Variants in ADAMTSL1 observed in about 807,000 individuals in gnomAD.
ADAMTSL1 encodes the protein ADAMTS like 1.
In ADAMTSL1, 126 loss-of-function variants were observed where a neutral mutation model predicts 201.8. That is an observed-to-expected ratio of 0.62 (90% CI 0.54 to 0.72). ADAMTSL1 has a LOEUF of 0.72. ADAMTSL1 is among the 30% of genes least tolerant of loss of function. ADAMTSL1 has a pLI of 0.00. For missense variants in ADAMTSL1, 2,679 were observed against 2,277.8 expected, an observed-to-expected ratio of 1.18 and a Z score of -3.59; for synonymous variants, 1,121 against 903.4, an observed-to-expected ratio of 1.24 and a Z score of -4.32.
intron 1 of ADAMTSL1, among the ~76,000 whole-genome samples, chr9:18,099,438 T>C (rs1824418315): frequency 6.9e-6 from 1 of 145,796 alleles, no homozygotes. Flanking sequence ...TATTCTCAGA[T>C]ATGAGGTGTT....
At position 18,842,523 on chromosome 9, in the gene ADAMTSL1, G is replaced by C. The variant is rs531992864; in HGVS notation, c.4249+12546G>C. 9.2e-5 allele frequency among the ~76,000 whole-genome samples: 14 copies of C among 152,288 alleles called. No individual in the cohort carries two copies. In the East Asian group the frequency reaches 2.5e-3, roughly 27 times the overall value. On this transcript the variant is annotated intron_variant, in intron 23 of 28. Transcript: ENST00000380548. Reference sequence around the variant, plus strand: ...AAAAAATGTATACTCTGTTGATTTGGGGTGGAGAGTTCTGTAGACATCTAT... The same window carrying C: ...AAAAAATGTATACTCTGTTGATTTGCGGTGGAGAGTTCTGTAGACATCTAT...
chr9:18,755,723 A>G (rs987937833), intron 16 of ADAMTSL1, among the ~76,000 whole-genome samples: 1 of 152,092 alleles, frequency 6.6e-6, no homozygotes, highest in African/African-American at 2.4e-5. Flanking sequence ...ATTTTCATCT[A>G]CTTTGGGCCT....
chr9:18,842,517 G>A (rs183324338), intron 23 of ADAMTSL1, among the ~76,000 whole-genome samples: 1 of 152,334 alleles, frequency 6.6e-6, no homozygotes, highest in Non-Finnish European at 1.5e-5. Flanking sequence ...ATACTCTGTT[G>A]ATTTGGGGTG....
At position 18,529,933 on chromosome 9, in the gene ADAMTSL1, C is replaced by A. The variant is rs200661506; in HGVS notation, c.192-3314C>A. 2.0e-5 allele frequency among the ~76,000 whole-genome samples: 3 copies of A among 152,204 alleles called. No homozygotes were observed. In the East Asian group the frequency reaches 5.8e-4, roughly 29 times the overall value. On this transcript the variant is annotated intron_variant, in intron 2 of 28. Transcript: ENST00000380548. ...TTTGCTTTGCTTTTGTTTTGTTTTG[C>A]TTTTCCTAAATAATAAGTATTTAAA...
At chr9:18,565,663 T>C (rs1047358916) in intron 3 of ADAMTSL1, among the ~76,000 whole-genome samples, 15 of 152,080 alleles carry the variant, frequency 9.9e-5, no homozygotes, top group African/African-American at 3.1e-4. Context: ...CCTCCAAAAC[T>C]GACCCCACTT....
intron 3 of ADAMTSL1, among the ~76,000 whole-genome samples, chr9:18,570,787 C>A (rs769960806): frequency 1.3e-5 from 2 of 152,130 alleles, no homozygotes; most frequent in African/African-American, 2.4e-5. Flanking sequence ...TATTTTCCCA[C>A]CCCTACAAAA....
At chr9:18,511,944 G>A (rs1783078058) in intron 2 of ADAMTSL1, among the ~76,000 whole-genome samples, 1 of 152,072 alleles carries the variant, frequency 6.6e-6, no homozygotes. Context: ...GCTCAAGTGA[G>A]CCCCAAAGCA....
rs1290583151 is a variant in ADAMTSL1, at chr9:18,042,092, TG to T, written c.88-121767del. On this transcript the variant is annotated intron_variant, in intron 1 of 29. Transcript: ENST00000680146. ...GAGGCTTTTAGTGAGTTGTAATTGC[TG>T]GGAAAAAAAAAAAAAAAAGCTTACG... 2.4e-3 allele frequency among the ~76,000 whole-genome samples: 314 copies of T among 128,506 alleles called. 3 individuals are homozygous for T. The highest frequency in any genetic ancestry group is 0.01 in the African/African-American group (296 of 28,760). 84.3% of individuals were successfully genotyped at this position (128,506 alleles called of 152,430 possible). A position where few individuals can be genotyped will look rare whatever the true frequency, so the allele number is the denominator to read the frequency against.
At chr9:18,470,856 A>G (rs560454622), upstream of ADAMTSL1, among the ~76,000 whole-genome samples, 11 of 152,210 alleles carry the variant, frequency 7.2e-5, no homozygotes, top group East Asian at 1.9e-3. Flanking sequence ...CTTGCTTCTG[A>G]TTTCATTTCA....
At chr9:18,731,606 T>A (rs779733989) in intron 15 of ADAMTSL1, among the ~76,000 whole-genome samples, 10 of 151,566 alleles carry the variant, frequency 6.6e-5, no homozygotes, top group Non-Finnish European at 1.3e-4. Flanking sequence ...GTCATGCCAC[T>A]CAAAAAGAAA....
At chr9:18,878,683 C>A (rs1453414602) in intron 23 of ADAMTSL1, among the ~76,000 whole-genome samples, 3 of 152,226 alleles carry the variant, frequency 2.0e-5, no homozygotes, top group South Asian at 2.1e-4. Context: ...TTGAAAGGGT[C>A]TGCGGATTCT....
chr9:18,105,373 T>A lies in ADAMTSL1; in HGVS notation c.88-58489T>A, dbSNP rs147661845. The stretch of plus-strand genomic sequence containing the variant: ...AAGGAAAAGCTGAATCTCTGGAACG[T>A]CTCTGACACTTGCCCAACCAACGAC... On this transcript the variant is annotated intron_variant, in intron 1 of 29. Coordinates refer to the ADAMTSL1 transcript ENST00000680146. 8.5e-5 allele frequency among the ~76,000 whole-genome samples: 13 copies of A among 152,332 alleles called. No individual in the cohort carries two copies. The East Asian group carries it at 1.7e-3, about 20-fold the overall frequency.
intron 1 of ADAMTSL1, among the ~76,000 whole-genome samples, chr9:18,494,319 G>A (rs1304247360): frequency 6.7e-6 from 1 of 150,178 alleles, no homozygotes; most frequent in Non-Finnish European, 1.5e-5. Context: ...TCACACGACT[G>A]CACTCCAGTC....
intron 2 of ADAMTSL1, among the ~76,000 whole-genome samples, chr9:18,253,573 A>C (rs966797180): frequency 1.3e-5 from 2 of 152,172 alleles, no homozygotes; most frequent in Non-Finnish European, 2.9e-5. Context: ...GCTTACAAAA[A>C]ATTGTAAGTG....
chr9:18,234,175 G>A (rs1292761442), intron 2 of ADAMTSL1, among the ~76,000 whole-genome samples: 2 of 152,186 alleles, frequency 1.3e-5, no homozygotes, highest in Non-Finnish European at 2.9e-5. Context: ...CCACATTTCT[G>A]CATGAGCAGC....
intron 3 of ADAMTSL1, among the ~76,000 whole-genome samples, chr9:18,546,854 G>A (rs1027678049): frequency 6.6e-6 from 1 of 152,090 alleles, no homozygotes; most frequent in African/African-American, 2.4e-5. Context: ...GCTTTTAACT[G>A]CTGTATTTAT....
At chr9:18,609,413 TTAG>T (rs1825238889) in intron 4 of ADAMTSL1, among the ~76,000 whole-genome samples, 2 of 151,716 alleles carry the variant, frequency 1.3e-5, no homozygotes, top group African/African-American at 4.8e-5. Flanking sequence ...ATTGGCTACT[TTAG>T]CAGGGTAGAG....
At chr9:18,024,459 C>G (rs1212171658) in intron 1 of ADAMTSL1, among the ~76,000 whole-genome samples, 6 of 151,990 alleles carry the variant, frequency 3.9e-5, no homozygotes, top group African/African-American at 1.4e-4. Flanking sequence ...TTGTTCCCAT[C>G]TTTATGTCCC....
intron 4 of ADAMTSL1, among the ~76,000 whole-genome samples, chr9:18,621,127 G>C (rs1826012098): frequency 6.6e-6 from 1 of 152,122 alleles, no homozygotes; most frequent in Non-Finnish European, 1.5e-5. Flanking sequence ...ATTTTATTTT[G>C]TCAAAGAGAG....
Sources: allele counts gnomAD v4.1 joint callset (sites outside exome capture counted in the v4.1 genomes callset), GRCh38; gene constraint gnomAD v4.1.1; transcripts MANE v1.5; gene names NCBI Gene and HGNC (gene_info 2026-07-23, HGNC 2026-07-21).